Variants in TIAM1 observed in about 807,000 individuals in gnomAD.
TIAM1 encodes the protein rho guanine nucleotide exchange factor TIAM1.
A neutral mutation model predicts 163.5 loss-of-function variants in TIAM1; 65 were observed. That is an observed-to-expected ratio of 0.40 (90% CI 0.33 to 0.49). The LOEUF (loss-of-function observed/expected upper bound fraction) is 0.49, where lower values mean the gene tolerates loss of function less well. Ranked by LOEUF, TIAM1 falls within the 20% of genes least tolerant of loss-of-function variation. The pLI is 0.77. For synonymous variants in TIAM1, 833 were observed against 810.1 expected, an observed-to-expected ratio of 1.03 and a Z score of -0.48; for missense variants, 1,789 against 2,044.7, an observed-to-expected ratio of 0.87 and a Z score of 2.41.
Position 31,153,144 on chromosome 21 carries a change from G to T in TIAM1, c.3172-10C>A. Reference sequence around the variant, plus strand: ...TAAGACAGTTTAAATCCTAAGAATTGAAAAGAGAACTCATTAGCTTATGTG... The same window carrying T: ...TAAGACAGTTTAAATCCTAAGAATTTAAAAGAGAACTCATTAGCTTATGTG... On this transcript the variant is annotated splice_polypyrimidine_tract_variant and intron_variant, in intron 17 of 27. Transcript: ENST00000541036. The T allele has an allele frequency of 6.2e-7, 1 of 1,601,962 alleles. No homozygotes were observed. The highest frequency in any genetic ancestry group is 8.5e-7 in the Non-Finnish European group (1 of 1,174,814).
At chr21:31,455,483 G>T (rs2045061436) in intron 2 of TIAM1, among the ~76,000 whole-genome samples, 2 of 151,290 alleles carry the variant, frequency 1.3e-5, no homozygotes, top group South Asian at 4.2e-4. Flanking sequence ...TATGATCTCA[G>T]CTCACTTCAA....
intron 20 of TIAM1, among the ~76,000 whole-genome samples, chr21:31,145,263 C>T (rs2083057615): frequency 6.6e-6 from 1 of 152,160 alleles, no homozygotes; most frequent in Non-Finnish European, 1.5e-5. Flanking sequence ...CTGGGGCAGG[C>T]TCTTTGTTAC....
intron 2 of TIAM1, among the ~76,000 whole-genome samples, chr21:31,290,090 T>C (rs1689604051): frequency 6.6e-6 from 1 of 152,240 alleles, no homozygotes; most frequent in South Asian, 2.1e-4. Flanking sequence ...ATACTTGAAG[T>C]ACTGTTCAAA....
chr21:31,181,141 G>A (rs571395205), intron 15 of TIAM1, among the ~76,000 whole-genome samples: 13 of 152,192 alleles, frequency 8.5e-5, no homozygotes, highest in South Asian at 8.3e-4. Context: ...CCGAGAACCC[G>A]GTCATGGAGA....
At chr21:31,330,740 A>G (rs1340126608) in intron 2 of TIAM1, among the ~76,000 whole-genome samples, 2 of 152,174 alleles carry the variant, frequency 1.3e-5, no homozygotes, top group African/African-American at 2.4e-5. Context: ...GTGTGGGGAG[A>G]CACACCGAAA....
At chr21:31,288,286 T>G (rs771174266) in intron 2 of TIAM1, among the ~76,000 whole-genome samples, 7 of 152,182 alleles carry the variant, frequency 4.6e-5, no homozygotes, top group African/African-American at 7.2e-5. Context: ...TGCCTTAGTA[T>G]GTTTGGGCTG....
chr21:31,136,801 C>A (rs2082640172), intron 22 of TIAM1, among the ~76,000 whole-genome samples: 1 of 152,222 alleles, frequency 6.6e-6, no homozygotes, highest in Non-Finnish European at 1.5e-5. Context: ...TAACTGCAGA[C>A]ATTTCCACCA....
chr21:31,232,772 C>T (rs529891500), intron 6 of TIAM1, among the ~76,000 whole-genome samples: 15 of 152,256 alleles, frequency 9.9e-5, no homozygotes, highest in African/African-American at 3.6e-4. Context: ...GCCAAGAAGG[C>T]AGGAAGGAGA....
chr21:31,418,329 G>A lies in TIAM1; in HGVS notation c.-369+45654C>T, dbSNP rs551132548. Among the ~76,000 whole-genome samples, 10 of 124,004 alleles carry A rather than the reference G, an allele frequency of 8.1e-5. No homozygotes were observed. The East Asian group carries it at 1.2e-3, about 15-fold the overall frequency. 81.4% of individuals were successfully genotyped at this position (124,004 alleles called of 152,430 possible). Reference sequence around the variant, plus strand: ...TGCACTCCAGCCTGGGCGACAGAGCGAGACTCTGTCTCAAAAAAAAAAAAA... The same window carrying A: ...TGCACTCCAGCCTGGGCGACAGAGCAAGACTCTGTCTCAAAAAAAAAAAAA... On this transcript the variant is annotated intron_variant, in intron 2 of 28. Coordinates refer to the TIAM1 transcript ENST00000286827.
chr21:31,260,487 C>T lies in TIAM1; in HGVS notation c.963+5523G>A, dbSNP rs116757396. Among the ~76,000 whole-genome samples the T allele has an allele frequency of 1.3e-3, 196 of 151,786 alleles. 2 individuals carry two copies. Among genetic ancestry groups the T allele is most frequent in the African/African-American group, 4.7e-3 (193 of 41,476 alleles). On this transcript the variant is annotated intron_variant, in intron 4 of 27. Transcript: ENST00000541036. ...CTCCTGACCTGAAATGACCTGCCCA[C>T]CTCGGCCTCCTGAATTACTTTTTAA...
At chr21:31,471,373 T>C (rs928799097) in intron 1 of TIAM1, among the ~76,000 whole-genome samples, 1 of 152,154 alleles carries the variant, frequency 6.6e-6, no homozygotes, top group Non-Finnish European at 1.5e-5. Context: ...ATGAACCTCA[T>C]AGGGCTGTTG....
At chr21:31,301,093 C>G (rs2074478938) in intron 2 of TIAM1, among the ~76,000 whole-genome samples, 1 of 152,192 alleles carries the variant, frequency 6.6e-6, no homozygotes, top group African/African-American at 2.4e-5. Context: ...GATGTGATCA[C>G]TTTTTGTTAA....
chr21:31,415,797 G>A (rs571037358), intron 2 of TIAM1, among the ~76,000 whole-genome samples: 24 of 152,178 alleles, frequency 1.6e-4, no homozygotes, highest in Middle Eastern at 3.4e-3. Flanking sequence ...GGACAAAACT[G>A]GCCTCTCATT....
chr21:31,206,346 C>T (rs1219162426), intron 11 of TIAM1, among the ~76,000 whole-genome samples: 1 of 152,166 alleles, frequency 6.6e-6, no homozygotes, highest in Non-Finnish European at 1.5e-5. Flanking sequence ...ACCTGTTAGT[C>T]AATATCAAAG....
upstream of TIAM1, among the ~76,000 whole-genome samples, chr21:31,347,482 A>C (rs992649009): frequency 2.6e-5 from 4 of 152,248 alleles, no homozygotes; most frequent in African/African-American, 9.6e-5. Context: ...CTTAACCTGC[A>C]GTTCTGAAAG....
intron 8 of TIAM1, 21 bp from the exon 9 acceptor site, chr21:31,217,720 C>T (rs755673985): frequency 1.5e-5 from 24 of 1,611,148 alleles, no homozygotes; most frequent in Non-Finnish European, 2.0e-5. Context: ...CAAGGACAAG[C>T]AGCCACAAGG....
chr21:31,444,609 T>C (rs553833), intron 2 of TIAM1, among the ~76,000 whole-genome samples: 124,556 of 151,996 alleles, frequency 0.82, 51,398 homozygotes, highest in East Asian at 0.92. Context: ...GGACTAATTA[T>C]CAGGACCTCA....
At chr21:31,132,689 C>T (rs1157913013) in intron 23 of TIAM1, among the ~76,000 whole-genome samples, 3 of 152,142 alleles carry the variant, frequency 2.0e-5, no homozygotes, top group African/African-American at 7.2e-5. Flanking sequence ...TTCAGCCTGG[C>T]ACCGGGACCT....
chr21:31,511,235 AGC>A (rs2147471555), intron 1 of TIAM1, among the ~76,000 whole-genome samples: 2 of 152,354 alleles, frequency 1.3e-5, no homozygotes, highest in Admixed American at 1.3e-4. Flanking sequence ...TAGGACACTC[AGC>A]CCTAGGAAAC....
Sources: gnomAD v4.1 joint callset for allele counts (sites outside exome capture counted in the v4.1 genomes callset) on GRCh38, gnomAD v4.1.1 for gene constraint, MANE v1.5 for transcripts, NCBI Gene and HGNC (gene_info 2026-07-23, HGNC 2026-07-21) for gene names.